The following CSMD1 variants were observed in gnomAD, a reference collection of about 807,000 sequenced individuals.
CSMD1 encodes the protein CUB and Sushi multiple domains 1.
In CSMD1, 213 loss-of-function variants were observed where a neutral mutation model predicts 417.5. The observed-to-expected ratio is 0.51, with a 90% CI of 0.46 to 0.57. The LOEUF is 0.57. Among genes scored for constraint, CSMD1 ranks in the 20% least tolerant of loss-of-function variants. The pLI is 0.00. For synonymous variants in CSMD1, 2,862 were observed against 1,736.8 expected (o/e 1.65, Z -16.11); for missense variants, 6,923 against 4,529.7 (o/e 1.53, Z -15.17).
At position 4,469,944 on chromosome 8, in the gene CSMD1, T is replaced by C. The variant is rs1048588210; in HGVS notation, c.303-49879A>G. ...GTGCAGTGGTGTGATCTCGGCTCAC[T>C]GCAAGCTCCACCTCCTGGATTCACA... On this transcript the variant is annotated intron_variant, in intron 2 of 69. Transcript: ENST00000635120. Among the ~76,000 whole-genome samples the C allele has an allele frequency of 2.7e-5, 4 of 150,618 alleles. No individual in the cohort carries two copies. The East Asian group carries it at 5.9e-4, about 22-fold the overall frequency.
intron 16 of CSMD1, among the ~76,000 whole-genome samples, chr8:3,397,698 C>T (rs572239657): frequency 3.4e-4 from 52 of 152,256 alleles, no homozygotes; most frequent in African/African-American, 1.2e-3. Context: ...CATAGTCATG[C>T]TGAAGTTGTC....
At chr8:4,449,465 T>C (rs181343815) in intron 2 of CSMD1, among the ~76,000 whole-genome samples, 50 of 152,320 alleles carry the variant, frequency 3.3e-4, no homozygotes, top group Non-Finnish European at 1.0e-4. Context: ...AATTCAGTTA[T>C]TAAAACCATC....
intron 1 of CSMD1, among the ~76,000 whole-genome samples, chr8:4,949,316 T>G (rs1444098521): frequency 1.3e-5 from 2 of 152,150 alleles, no homozygotes; most frequent in Non-Finnish European, 2.9e-5. Context: ...TAAAAAAAAG[T>G]TATTTTGGCC....
At chr8:3,937,698 T>A (rs1810599833) in intron 5 of CSMD1, among the ~76,000 whole-genome samples, 1 of 152,154 alleles carries the variant, frequency 6.6e-6, no homozygotes, top group South Asian at 2.1e-4. Context: ...ACTACAGACA[T>A]CTTATCAGAC....
intron 37 of CSMD1, among the ~76,000 whole-genome samples, chr8:3,166,310 C>A (rs554868986): frequency 6.6e-6 from 1 of 152,128 alleles, no homozygotes; most frequent in Non-Finnish European, 1.5e-5. Context: ...GCAGGCAGAT[C>A]ACCTGAGGTC....
intron 51 of CSMD1, among the ~76,000 whole-genome samples, chr8:3,028,166 C>A (rs1313799345): frequency 1.3e-5 from 2 of 152,140 alleles, no homozygotes; most frequent in Non-Finnish European, 2.9e-5. Context: ...TTTTAAGATC[C>A]TATTTCTGGT....
chr8:4,076,829 T>G (rs541695288), intron 3 of CSMD1, among the ~76,000 whole-genome samples: 3 of 152,172 alleles, frequency 2.0e-5, no homozygotes, highest in Non-Finnish European at 2.9e-5. Context: ...ATGCCTTTGC[T>G]TTAACTGCTA....
At chr8:4,706,683 TTAA>T (rs1250361093) in intron 1 of CSMD1, among the ~76,000 whole-genome samples, 1 of 152,166 alleles carries the variant, frequency 6.6e-6, no homozygotes, top group East Asian at 1.9e-4. Flanking sequence ...GTGGCTGAAG[TTAA>T]TAATGGCATG....
chr8:3,308,824 A>G (rs899078948), intron 23 of CSMD1, among the ~76,000 whole-genome samples: 9 of 147,472 alleles, frequency 6.1e-5, no homozygotes, highest in Non-Finnish European at 1.0e-4. Flanking sequence ...CCCAGGTTCA[A>G]GTGATTCTCC....
At chr8:3,270,423 C>A (rs557487140) in intron 26 of CSMD1, among the ~76,000 whole-genome samples, 1 of 152,172 alleles carries the variant, frequency 6.6e-6, no homozygotes, top group African/African-American at 2.4e-5. Flanking sequence ...AAAAAATGAT[C>A]AGTTTTAATG....
At chr8:3,869,212 G>C (rs981783048) in intron 5 of CSMD1, among the ~76,000 whole-genome samples, 1 of 152,044 alleles carries the variant, frequency 6.6e-6, no homozygotes. Flanking sequence ...CCTCCACCTC[G>C]GTGTTTCTCT....
At position 4,496,626 on chromosome 8, in the gene CSMD1, C is replaced by T. The variant is rs151183809; in HGVS notation, c.303-76561G>A. Among the ~76,000 whole-genome samples, 961 of 152,262 alleles carry T rather than the reference C, an allele frequency of 6.3e-3. 5 individuals are homozygous for T. The highest frequency in any genetic ancestry group is 9.0e-3 in the Non-Finnish European group (614 of 68,018). ...TATTGTTATTCCTGGTTTGTTCCTC[C>T]TCTCCCTGTCTCATAGCTCCTTTTG... is the stretch of plus-strand genomic sequence containing the variant. On this transcript the variant is annotated intron_variant, in intron 2 of 69. Coordinates refer to ENST00000635120, the MANE Select transcript of CSMD1 (RefSeq NM_033225.6).
chr8:4,504,573 T>C (rs1802423950), intron 2 of CSMD1, among the ~76,000 whole-genome samples: 2 of 152,076 alleles, frequency 1.3e-5, no homozygotes, highest in Non-Finnish European at 2.9e-5. Context: ...TATCAACCCA[T>C]CATCTAGGTT....
intron 5 of CSMD1, among the ~76,000 whole-genome samples, chr8:3,867,413 T>G (rs1805178729): frequency 6.6e-6 from 1 of 152,154 alleles, no homozygotes. Context: ...TAAGGATACT[T>G]ACTCAGGAGT....
At chr8:4,501,279 G>A (rs191965117) in intron 2 of CSMD1, among the ~76,000 whole-genome samples, 4 of 152,056 alleles carry the variant, frequency 2.6e-5, no homozygotes, top group East Asian at 1.9e-4. Flanking sequence ...TGTGATCCCC[G>A]AACAGGATGC....
At chr8:3,860,235 C>T (rs1182477487) in intron 5 of CSMD1, among the ~76,000 whole-genome samples, 2 of 152,102 alleles carry the variant, frequency 1.3e-5, no homozygotes, top group Non-Finnish European at 2.9e-5. Flanking sequence ...TCTCCAACTG[C>T]CTACTCTGTT....
chr8:3,490,375 T>C (rs895702), intron 11 of CSMD1, among the ~76,000 whole-genome samples: 58,668 of 151,976 alleles, frequency 0.39, 11,467 homozygotes, highest in South Asian at 0.52. Context: ...AAAAAATGAG[T>C]GTATGATTTT....
At chr8:3,380,689 T>A (rs1028117163) in intron 18 of CSMD1, among the ~76,000 whole-genome samples, 1 of 152,082 alleles carries the variant, frequency 6.6e-6, no homozygotes, top group Admixed American at 6.5e-5. Context: ...AGCTGAACAA[T>A]GAGAACACAT....
At chr8:3,327,942 G>A (rs940384341) in intron 23 of CSMD1, among the ~76,000 whole-genome samples, 4 of 152,028 alleles carry the variant, frequency 2.6e-5, no homozygotes, top group African/African-American at 9.7e-5. Context: ...AATGACCAAT[G>A]CCCTACCTAG....
Sources: gnomAD v4.1 joint callset for allele counts (sites outside exome capture counted in the v4.1 genomes callset) on GRCh38, gnomAD v4.1.1 for gene constraint, MANE v1.5 for transcripts, NCBI Gene and HGNC (gene_info 2026-07-23, HGNC 2026-07-21) for gene names.